Variants in FRMD3 observed in about 807,000 individuals in gnomAD.
The protein encoded by FRMD3 is FERM domain-containing protein 3.
In FRMD3, 33 loss-of-function variants were observed where a neutral mutation model predicts 70.2. The observed-to-expected ratio is 0.47, with a 90% confidence interval of 0.36 to 0.63. The LOEUF is 0.63. Among genes scored for constraint, FRMD3 ranks in the 20% least tolerant of loss-of-function variants. The pLI is 0.00. For missense variants in FRMD3, 632 were observed against 711.4 expected (o/e 0.89, Z 1.27); for synonymous variants, 279 against 255.9 (o/e 1.09, Z -0.86).
chr9:83,306,379 C>G (rs938396233), intron 10 of FRMD3, among the ~76,000 whole-genome samples: 2 of 152,210 alleles, frequency 1.3e-5, no homozygotes, highest in African/African-American at 4.8e-5. Context: ...TGTCTGGCCT[C>G]AAGACCTCCT....
At chr9:83,540,477 T>C (rs1888746), upstream of FRMD3, among the ~76,000 whole-genome samples, 117,954 of 152,138 alleles carry the variant, frequency 0.78, 46,409 homozygotes, top group African/African-American at 0.93. Context: ...ATGAGAAGAA[T>C]CTGAGATTGG....
At chr9:83,427,266 G>A (rs1193171250) in intron 1 of FRMD3, among the ~76,000 whole-genome samples, 4 of 152,182 alleles carry the variant, frequency 2.6e-5, no homozygotes, top group Non-Finnish European at 4.4e-5. Flanking sequence ...GGGATGGAGA[G>A]CACCTGATTC....
intron 1 of FRMD3, among the ~76,000 whole-genome samples, chr9:83,504,277 C>T (rs1434536516): frequency 6.6e-6 from 1 of 152,180 alleles, no homozygotes; most frequent in Non-Finnish European, 1.5e-5. Flanking sequence ...TATCCAAGGG[C>T]ACAGTTTTCA....
chr9:83,565,852 T>C, the FRMD3 span, among the ~76,000 whole-genome samples: 1 of 152,206 alleles, frequency 6.6e-6, no homozygotes, highest in Admixed American at 6.5e-5. Context: ...AGTTAGGAAA[T>C]TGGTCTCCTT....
chr9:83,401,618 G>A (rs971609897), intron 1 of FRMD3, among the ~76,000 whole-genome samples: 1 of 152,290 alleles, frequency 6.6e-6, no homozygotes. Flanking sequence ...AATATTAGCA[G>A]GGGAGAATTC....
chr9:83,331,622 G>A (rs527713037), intron 6 of FRMD3, among the ~76,000 whole-genome samples: 1 of 152,212 alleles, frequency 6.6e-6, no homozygotes, highest in South Asian at 2.1e-4. Context: ...TAGGCTCATC[G>A]GTTGTAATAC....
chr9:83,311,898 A>C lies in FRMD3; in HGVS notation c.762T>G (p.His254Gln), dbSNP rs202022598. ...FVVFQGNKRIHLIKWPDVCKL... is the reference protein window; with the variant it reads ...FVVFQGNKRIQLIKWPDVCKL... ...AAAGAGGCACTTACCATTTTATCAAATGGATTCTCTTATTTCCCTGAAAGA... is the reference window on the plus strand; with the variant it reads ...AAAGAGGCACTTACCATTTTATCAACTGGATTCTCTTATTTCCCTGAAAGA... The change falls in exon 8 of 14, where the codon CAT becomes CAG. Residue 254 changes from histidine (H) to glutamine (Q), a missense_variant. Coordinates refer to ENST00000304195, the MANE Select transcript of FRMD3 (RefSeq NM_174938.6). The C allele has an allele frequency of 6.2e-7, 1 of 1,609,348 alleles. No individual in the cohort carries two copies. The highest frequency in any genetic ancestry group is 8.5e-7 in the Non-Finnish European group (1 of 1,177,002).
At chr9:83,265,487 T>C (rs1275550059) in intron 13 of FRMD3, among the ~76,000 whole-genome samples, 1 of 149,566 alleles carries the variant, frequency 6.7e-6, no homozygotes, top group African/African-American at 2.5e-5. Flanking sequence ...AGAGAAAACA[T>C]TAACATTTGT....
chr9:83,283,900 G>A (rs1029579876), intron 13 of FRMD3, among the ~76,000 whole-genome samples: 1 of 152,172 alleles, frequency 6.6e-6, no homozygotes, highest in Non-Finnish European at 1.5e-5. Context: ...TTCAACTTCT[G>A]ATGTGTTTTC....
chr9:83,525,936 A>C (rs916936235), intron 1 of FRMD3, among the ~76,000 whole-genome samples: 6 of 152,216 alleles, frequency 3.9e-5, no homozygotes, highest in Non-Finnish European at 7.3e-5. Flanking sequence ...AGTTTTATTC[A>C]TACCACATGG....
intron 2 of FRMD3, among the ~76,000 whole-genome samples, chr9:83,380,091 C>T (rs1241329029): frequency 6.6e-6 from 1 of 152,174 alleles, no homozygotes; most frequent in African/African-American, 2.4e-5. Context: ...TAACTCTCCA[C>T]TAAAAGCTGT....
intron 6 of FRMD3, among the ~76,000 whole-genome samples, chr9:83,334,713 C>T (rs762941136): frequency 2.6e-5 from 4 of 152,088 alleles, no homozygotes; most frequent in Non-Finnish European, 5.9e-5. Flanking sequence ...GCAATGATCC[C>T]TACACACACT....
chr9:83,312,123 G>C lies in FRMD3; in HGVS notation c.685-148C>G. The stretch of plus-strand genomic sequence containing the variant: ...AGCAATAAACTAAGTTTCTGAGATG[G>C]AACTTCTAAGAGCAGGCCTTTCAAA... On this transcript the variant is annotated intron_variant, in intron 7 of 13. Transcript: ENST00000304195. The C allele has an allele frequency of 2.0e-5, 13 of 641,134 alleles. No homozygotes were observed. The South Asian group carries it at 2.5e-4, about 12-fold the overall frequency. The allele number at this position is 641,134 out of a possible 1,614,324, so 39.7% of individuals were successfully genotyped here.
At chr9:83,451,767 C>G in intron 1 of FRMD3, among the ~76,000 whole-genome samples, 1 of 152,098 alleles carries the variant, frequency 6.6e-6, no homozygotes, top group Non-Finnish European at 1.5e-5. Flanking sequence ...AGAACTTGGT[C>G]GCTTCTCTGC....
chr9:83,489,197 A>T (rs1828758997), intron 1 of FRMD3, among the ~76,000 whole-genome samples: 1 of 152,192 alleles, frequency 6.6e-6, no homozygotes, highest in Admixed American at 6.5e-5. Context: ...CTTGGTAAAC[A>T]TCAAAGATTT....
At chr9:83,503,774 A>G (rs368188540) in intron 1 of FRMD3, among the ~76,000 whole-genome samples, 14 of 152,256 alleles carry the variant, frequency 9.2e-5, no homozygotes, top group African/African-American at 3.4e-4. Flanking sequence ...CCAGGGCCAC[A>G]TCTCCACCAG....
intron 1 of FRMD3, among the ~76,000 whole-genome samples, chr9:83,406,407 G>A (rs983383240): frequency 1.3e-5 from 2 of 152,174 alleles, no homozygotes; most frequent in Admixed American, 6.5e-5. Context: ...GCCTTACTCC[G>A]GGTCTCCACT....
At chr9:83,549,011 T>C in the FRMD3 span, among the ~76,000 whole-genome samples, 2 of 152,144 alleles carry the variant, frequency 1.3e-5, no homozygotes, top group East Asian at 3.9e-4. Context: ...TAGATAATCA[T>C]GTGTCATGAG....
chr9:83,420,963 C>T (rs1465729016), intron 1 of FRMD3, among the ~76,000 whole-genome samples: 3 of 101,670 alleles, frequency 3.0e-5, no homozygotes, highest in African/African-American at 8.4e-5. Flanking sequence ...TTTTTTGAGA[C>T]GGAGTCTCGC....
Sources: gnomAD v4.1 joint callset for allele counts (sites outside exome capture counted in the v4.1 genomes callset) on GRCh38, gnomAD v4.1.1 for gene constraint, MANE v1.5 for transcripts, NCBI Gene and HGNC (gene_info 2026-07-23, HGNC 2026-07-21) for gene names.